Variants in CYSTM1 observed in about 807,000 individuals in gnomAD.
CYSTM1 encodes cysteine-rich transmembrane module-containing protein 1.
A neutral mutation model predicts 13.1 loss-of-function variants in CYSTM1; 4 were observed. The observed-to-expected ratio is 0.31, with a 90% confidence interval of 0.15 to 0.70. CYSTM1 has a LOEUF of 0.70. Ranked by LOEUF, CYSTM1 falls within the 30% of genes least tolerant of loss-of-function variation. The pLI, the probability that CYSTM1 is intolerant of heterozygous loss-of-function variation, is 0.72. For synonymous variants in CYSTM1, 36 were observed against 42.7 expected, an observed-to-expected ratio of 0.84 and a Z score of 0.62; for missense variants, 96 against 121.6, an observed-to-expected ratio of 0.79 and a Z score of 0.99.
At chr5:140,218,888 C>T (rs1664515091) in intron 2 of CYSTM1, among the ~76,000 whole-genome samples, 1 of 152,218 alleles carries the variant, frequency 6.6e-6, no homozygotes, top group Non-Finnish European at 1.5e-5. Context: ...ATCAGATGCC[C>T]TCTGGCCCTC....
chr5:140,210,482 G>A (rs1014374386), intron 2 of CYSTM1, among the ~76,000 whole-genome samples: 1 of 151,838 alleles, frequency 6.6e-6, no homozygotes, highest in Non-Finnish European at 1.5e-5. Flanking sequence ...GAGAACCACT[G>A]CCATAGAGTC....
chr5:140,201,377 A>G (rs1764223248), intron 2 of CYSTM1: 1 of 152,234 alleles, frequency 6.6e-6, no homozygotes. Flanking sequence ...GGTAGTCTAT[A>G]TGTAGGTAAG....
chr5:140,236,495 T>A (rs1764682756), intron 2 of CYSTM1, among the ~76,000 whole-genome samples: 1 of 152,244 alleles, frequency 6.6e-6, no homozygotes, highest in South Asian at 2.1e-4. Context: ...AAATAGCATT[T>A]GAAATGTACT....
intron 2 of CYSTM1, among the ~76,000 whole-genome samples, chr5:140,227,370 G>T (rs1173725864): frequency 6.6e-6 from 1 of 152,168 alleles, no homozygotes; most frequent in South Asian, 2.1e-4. Flanking sequence ...CAGTATAGGG[G>T]TCCTCTCTGG....
chr5:140,243,172 A>G, intron 2 of CYSTM1, 133 bp from the exon 3 acceptor site: 1 of 701,848 alleles, frequency 1.4e-6, no homozygotes, highest in Non-Finnish European at 2.5e-6. Flanking sequence ...CAGCAATGGC[A>G]GGAACACGGT....
chr5:140,211,244 A>G (rs1027575638), intron 2 of CYSTM1, among the ~76,000 whole-genome samples: 1 of 152,244 alleles, frequency 6.6e-6, no homozygotes, highest in Non-Finnish European at 1.5e-5. Context: ...CATCATATAG[A>G]TGAAGAAACT....
intron 2 of CYSTM1, among the ~76,000 whole-genome samples, chr5:140,236,434 C>T (rs1449322267): frequency 1.3e-5 from 2 of 152,150 alleles, no homozygotes; most frequent in African/African-American, 4.8e-5. Flanking sequence ...GCAGGCACCT[C>T]GGTTCTTTAG....
intron 2 of CYSTM1, among the ~76,000 whole-genome samples, chr5:140,225,704 T>C (rs1243920449): frequency 6.6e-6 from 1 of 152,238 alleles, no homozygotes; most frequent in East Asian, 1.9e-4. Context: ...CATGTCTGTG[T>C]GTGAGCTGGA....
At chr5:140,194,051 A>C (rs980764272) in intron 1 of CYSTM1, among the ~76,000 whole-genome samples, 6 of 152,228 alleles carry the variant, frequency 3.9e-5, no homozygotes, top group Non-Finnish European at 7.3e-5. Flanking sequence ...CTGTTAGAAC[A>C]CTTTCTTAAA....
At chr5:140,217,409 G>C (rs969710152) in intron 2 of CYSTM1, among the ~76,000 whole-genome samples, 5 of 152,108 alleles carry the variant, frequency 3.3e-5, no homozygotes, top group Non-Finnish European at 5.9e-5. Flanking sequence ...ATGTCCTGGG[G>C]CTGCAGATTT....
chr5:140,190,981 T>C (rs915429945), intron 1 of CYSTM1, among the ~76,000 whole-genome samples: 1 of 152,226 alleles, frequency 6.6e-6, no homozygotes, highest in African/African-American at 2.4e-5. Flanking sequence ...AATTTAAAGC[T>C]CTTTTGAGTT....
intron 2 of CYSTM1, among the ~76,000 whole-genome samples, chr5:140,231,695 G>A (rs1432874): frequency 0.76 from 115,044 of 152,214 alleles, 44,301 homozygotes; most frequent in African/African-American, 0.9. Context: ...ATAGATGTCA[G>A]TAGGCAAAAG....
chr5:140,211,880 G>A (rs1764372013), intron 2 of CYSTM1, among the ~76,000 whole-genome samples: 1 of 152,352 alleles, frequency 6.6e-6, no homozygotes, highest in African/African-American at 2.4e-5. Flanking sequence ...CTGGGAGGCA[G>A]AGGTTGCAGT....
intron 1 of CYSTM1, among the ~76,000 whole-genome samples, chr5:140,189,232 G>A (rs1336069286): frequency 6.6e-6 from 1 of 152,172 alleles, no homozygotes; most frequent in East Asian, 1.9e-4. Context: ...CTTCATGAAT[G>A]GCTTGGTGTC....
At position 140,191,332 on chromosome 5, in the gene CYSTM1, A is replaced by G. The variant is rs1275180323; in HGVS notation, c.-20-3114A>G. Among the ~76,000 whole-genome samples the G allele has an allele frequency of 2.6e-5, 4 of 152,216 alleles. No homozygotes were observed. In the East Asian group the frequency reaches 7.7e-4, roughly 29 times the overall value. Reference sequence around the variant, plus strand: ...CCTTTGTAGTTTATGCTTTGTATAAATGCCTCTGTGAATAACTCATGGGAT... The same window carrying G: ...CCTTTGTAGTTTATGCTTTGTATAAGTGCCTCTGTGAATAACTCATGGGAT... On this transcript the variant is annotated intron_variant, in intron 1 of 2. Transcript: ENST00000261811.
At position 140,220,015 on chromosome 5, in the gene CYSTM1, C is replaced by T. The variant is rs184114390; in HGVS notation, c.188-23290C>T. On this transcript the variant is annotated intron_variant, in intron 2 of 2. Transcript: ENST00000261811. ...CCTGAAAACCAGGAGGAAATCATTT[C>T]CCTGATTTCTGTTTAGCCTTCTAAA... Among the ~76,000 whole-genome samples, 17 of 152,218 alleles carry T rather than the reference C, an allele frequency of 1.1e-4. No homozygotes were observed. The East Asian group carries it at 3.1e-3, about 28-fold the overall frequency.
At chr5:140,187,434 G>A (rs910398700) in intron 1 of CYSTM1, among the ~76,000 whole-genome samples, 9 of 151,966 alleles carry the variant, frequency 5.9e-5, no homozygotes, top group Non-Finnish European at 1.0e-4. Context: ...GTGTGATCAC[G>A]GCTCACCTCA....
At chr5:140,235,027 C>T (rs543563453) in intron 2 of CYSTM1, among the ~76,000 whole-genome samples, 3 of 149,886 alleles carry the variant, frequency 2.0e-5, no homozygotes, top group Admixed American at 6.7e-5. Flanking sequence ...AGTTCAGTGG[C>T]GCGATCTCGG....
At chr5:140,214,003 A>C (rs570886147) in intron 2 of CYSTM1, among the ~76,000 whole-genome samples, 28 of 152,322 alleles carry the variant, frequency 1.8e-4, no homozygotes, top group African/African-American at 6.3e-4. Flanking sequence ...AAGGAGGAGG[A>C]GTCTGCGGGT....
Sources: gnomAD v4.1 joint callset for allele counts (sites outside exome capture counted in the v4.1 genomes callset) on GRCh38, gnomAD v4.1.1 for gene constraint, MANE v1.5 for transcripts, NCBI Gene and HGNC (gene_info 2026-07-23, HGNC 2026-07-21) for gene names.